Variants in AUH observed in about 807,000 individuals in gnomAD.
The protein encoded by AUH is methylglutaconyl-CoA hydratase, mitochondrial.
A neutral mutation model predicts 42.3 loss-of-function variants in AUH; 29 were observed. The ratio of observed to expected loss-of-function variants is 0.69; its 90% CI spans 0.51 to 0.93. AUH has a LOEUF of 0.93. Ranked by LOEUF, AUH falls within the 40% of genes least tolerant of loss-of-function variation. The pLI is 0.00. For missense variants in AUH, 452 were observed against 438.1 expected, an observed-to-expected ratio of 1.03 and a Z score of -0.28; for synonymous variants, 174 against 166.4, an observed-to-expected ratio of 1.05 and a Z score of -0.35.
intron 6 of AUH, among the ~76,000 whole-genome samples, chr9:91,294,276 G>A (rs556897050): frequency 1.8e-4 from 27 of 152,314 alleles, no homozygotes; most frequent in African/African-American, 6.3e-4. Context: ...CAGGCTGGGC[G>A]TGGTGGCTCA....
intron 3 of AUH, among the ~76,000 whole-genome samples, chr9:91,340,018 C>T (rs773652736): frequency 1.4e-4 from 22 of 152,144 alleles, no homozygotes; most frequent in Non-Finnish European, 2.1e-4. Flanking sequence ...CACTAGGGTT[C>T]CCTAATGCTT....
In AUH at chr9:91,294,853, C is replaced by T. The variant is rs117599613; in HGVS notation, c.655+1168G>A. Reference sequence around the variant, plus strand: ...TAGAATTAGAAGAGTAACCTGAAGACGTGACTGAATTTCTGAAGTCTCATT... The same window carrying T: ...TAGAATTAGAAGAGTAACCTGAAGATGTGACTGAATTTCTGAAGTCTCATT... On this transcript the variant is annotated intron_variant, in intron 6 of 9. Transcript: ENST00000375731. The T allele has an allele frequency of 3.8e-4, 166 of 435,334 alleles. No individual in the cohort carries two copies. In the East Asian group the frequency reaches 7.5e-3, roughly 20 times the overall value. The allele number at this position is 435,334 out of a possible 1,614,324, so 27.0% of individuals were successfully genotyped here.
At chr9:91,260,594 A>G (rs74775095) in intron 6 of AUH, among the ~76,000 whole-genome samples, 1,568 of 152,330 alleles carry the variant, frequency 0.01, 30 homozygotes, top group African/African-American at 0.036. Context: ...ATGATGGTAC[A>G]TATACCTCTT....
chr9:91,316,717 T>C (rs2131806947), intron 4 of AUH, among the ~76,000 whole-genome samples: 1 of 152,370 alleles, frequency 6.6e-6, no homozygotes, highest in Middle Eastern at 3.4e-3. Context: ...TCTTGCTGAC[T>C]TCAAGGCTGT....
intron 6 of AUH, among the ~76,000 whole-genome samples, chr9:91,257,917 T>A (rs1829493691): frequency 6.6e-6 from 1 of 152,250 alleles, no homozygotes; most frequent in Non-Finnish European, 1.5e-5. Flanking sequence ...ATTTAAGTCT[T>A]CTTTCATTTT....
Position 91,252,359 on chromosome 9 carries a change from A to G in AUH, c.656-31367T>C, listed in dbSNP as rs188438856. Among the ~76,000 whole-genome samples, 439 of 131,448 alleles carry G rather than the reference A, an allele frequency of 3.3e-3. 2 individuals are homozygous for G. Among genetic ancestry groups the G allele is most frequent in the African/African-American group, 1.0e-2 (403 of 40,412 alleles). 86.2% of individuals were successfully genotyped at this position (131,448 alleles called of 152,430 possible). ...GCTACACGTTAGTATGATGCCTTGG[A>G]AAAAAAGCATAAAACAGCAGCAGGT... On this transcript the variant is annotated intron_variant, in intron 6 of 9. Transcript: ENST00000375731.
At chr9:91,219,172 C>T (rs1826990671) in intron 7 of AUH, among the ~76,000 whole-genome samples, 1 of 152,144 alleles carries the variant, frequency 6.6e-6, no homozygotes, top group Non-Finnish European at 1.5e-5. Context: ...GCATTTGCTG[C>T]ATGGTGGCCA....
chr9:91,309,754 C>T (rs889824519), intron 4 of AUH, among the ~76,000 whole-genome samples: 5 of 152,182 alleles, frequency 3.3e-5, no homozygotes, highest in Non-Finnish European at 7.3e-5. Context: ...GGAGCCCAAA[C>T]TCACCATTAC....
intron 4 of AUH, among the ~76,000 whole-genome samples, chr9:91,308,494 C>T (rs1252725723): frequency 3.3e-5 from 5 of 152,160 alleles, no homozygotes; most frequent in Non-Finnish European, 5.9e-5. Context: ...AAAACTAAAA[C>T]TAAGATCTGT....
intron 3 of AUH, among the ~76,000 whole-genome samples, chr9:91,339,303 C>A (rs1245707640): frequency 1.3e-5 from 2 of 152,180 alleles, no homozygotes; most frequent in African/African-American, 4.8e-5. Flanking sequence ...ATCGCTAAGT[C>A]AAACCATCAT....
rs2131645129 is a variant in AUH, at chr9:91,296,030, GAATAATCGCC to G, written c.636_645del (p.Leu212PhefsTer39). On this transcript the variant is annotated frameshift_variant, in exon 6 of 10. Transcript: ENST00000375731. LOFTEE classifies it high-confidence loss of function. ...CGTGAACTACTCATACCTCCACCAG[GAATAATCGCC>G]AATTTTGTTTCAACCAGGCCCATTT... The G allele has an allele frequency of 1.2e-6, 2 of 1,613,962 alleles. No homozygotes were observed. Among genetic ancestry groups the G allele is most frequent in the East Asian group, 2.2e-5 (1 of 44,828 alleles).
chr9:91,308,705 G>C (rs1463052215), intron 4 of AUH, among the ~76,000 whole-genome samples: 1 of 151,738 alleles, frequency 6.6e-6, no homozygotes, highest in Non-Finnish European at 1.5e-5. Context: ...AAAAGACACA[G>C]TGAACATAAA....
At position 91,227,018 on chromosome 9, in the gene AUH, A is replaced by T. The variant is rs368286328; in HGVS notation, c.656-6026T>A. On this transcript the variant is annotated intron_variant, in intron 6 of 9. Coordinates refer to ENST00000375731, the MANE Select transcript of AUH (RefSeq NM_001698.3). Reference sequence around the variant, plus strand: ...CCAGCTTTGTTCTTTTGGCTTAGGAATGACTTGGCAATGCGGGCTCTTTTT... The same window carrying T: ...CCAGCTTTGTTCTTTTGGCTTAGGATTGACTTGGCAATGCGGGCTCTTTTT... Among the ~76,000 whole-genome samples the T allele has an allele frequency of 2.5e-3, 380 of 151,682 alleles. 4 individuals carry two copies. Among genetic ancestry groups the T allele is most frequent in the South Asian group, 5.7e-3 (27 of 4,776 alleles).
At chr9:91,228,292 G>C (rs1162006870) in intron 6 of AUH, among the ~76,000 whole-genome samples, 2 of 152,220 alleles carry the variant, frequency 1.3e-5, no homozygotes, top group Non-Finnish European at 2.9e-5. Context: ...AAGAGTGTAT[G>C]TGTCAAGGAA....
At chr9:91,246,920 G>A (rs1208462890) in intron 6 of AUH, among the ~76,000 whole-genome samples, 1 of 152,156 alleles carries the variant, frequency 6.6e-6, no homozygotes, top group African/African-American at 2.4e-5. Context: ...CTAAGCAGCG[G>A]AGCCATGCCA....
chr9:91,274,925 A>C (rs1825425618), intron 6 of AUH, among the ~76,000 whole-genome samples: 1 of 152,188 alleles, frequency 6.6e-6, no homozygotes, highest in East Asian at 1.9e-4. Context: ...TTGCTCTCTA[A>C]GGGAAATTAA....
At chr9:91,282,572 G>C (rs963489383) in intron 6 of AUH, among the ~76,000 whole-genome samples, 15 of 152,090 alleles carry the variant, frequency 9.9e-5, no homozygotes, top group African/African-American at 3.6e-4. Context: ...TAGGAGCTGA[G>C]GTCAGAGAAG....
chr9:91,330,981 C>A (rs1042748940), intron 3 of AUH, among the ~76,000 whole-genome samples: 1 of 152,122 alleles, frequency 6.6e-6, no homozygotes, highest in Non-Finnish European at 1.5e-5. Context: ...GAATTATGTG[C>A]TTTTAATTTG....
intron 6 of AUH, among the ~76,000 whole-genome samples, chr9:91,274,557 T>C (rs551070211): frequency 6.6e-6 from 1 of 152,368 alleles, no homozygotes; most frequent in Admixed American, 6.5e-5. Flanking sequence ...GTAAGCCTTA[T>C]GAATAATTAG....
Sources: allele counts gnomAD v4.1 joint callset (sites outside exome capture counted in the v4.1 genomes callset), GRCh38; gene constraint gnomAD v4.1.1; transcripts MANE v1.5; gene names NCBI Gene and HGNC (gene_info 2026-07-23, HGNC 2026-07-21).